ACYP1: variants seen among roughly 807,000 people sequenced by gnomAD.
The protein encoded by ACYP1 is acylphosphatase-1.
ACYP1 carries 8 observed loss-of-function variants against 10.4 expected under a neutral mutation model. That is an observed-to-expected ratio of 0.77 (90% CI 0.45 to 1.38). ACYP1 has a LOEUF of 1.38. Ranked by LOEUF, ACYP1 falls within the 40% of genes most tolerant of loss-of-function variation. The pLI, the probability that ACYP1 is intolerant of heterozygous loss-of-function variation, is 0.00. For missense variants in ACYP1, 93 were observed against 117.3 expected, an observed-to-expected ratio of 0.79 and a Z score of 0.96; for synonymous variants, 38 against 40.8, an observed-to-expected ratio of 0.93 and a Z score of 0.26.
intron 2 of ACYP1, chr14:75,062,974 A>G (rs1453126826): frequency 6.5e-6 from 1 of 154,202 alleles, no homozygotes; most frequent in East Asian, 1.9e-4. Context: ...GAAAAGGTAA[A>G]TGTTCTTTCA....
exon 1 of ACYP1, chr14:75,069,414 G>T: frequency 1.3e-6 from 1 of 778,278 alleles, no homozygotes. Flanking sequence ...AGGAGCTCCA[G>T]AAAAGCCTCT....
At chr14:75,066,721 G>A (rs1893148475), upstream of ACYP1, among the ~76,000 whole-genome samples, 1 of 152,134 alleles carries the variant, frequency 6.6e-6, no homozygotes, top group African/African-American at 2.4e-5. Context: ...GCGTGGTGGT[G>A]CACACCTGTA....
chr14:75,053,773 T>C (rs1230651726), intron 2 of ACYP1, 114 bp from the exon 3 acceptor site: 4 of 923,200 alleles, frequency 4.3e-6, no homozygotes, highest in Admixed American at 2.3e-5. Flanking sequence ...TAATTTGATA[T>C]TGCCCAGAAC....
chr14:75,063,947 G>C lies in ACYP1; in HGVS notation c.-9+7C>G. On this transcript the variant is annotated splice_region_variant and intron_variant, in intron 1 of 2. Coordinates refer to ENST00000238618, the MANE Select transcript of ACYP1 (RefSeq NM_001107.5). The stretch of plus-strand genomic sequence containing the variant: ...GAAGCACACCCTGGGGGCCCCTGGC[G>C]GCTCACCCTCCTTGTCTTCCCCACC... 1 of 1,001,076 alleles carries C rather than the reference G, an allele frequency of 1.0e-6. No individual in the cohort carries two copies. The highest frequency in any genetic ancestry group is 1.2e-6 in the Non-Finnish European group (1 of 838,556). 62.0% of individuals were successfully genotyped at this position (1,001,076 alleles called of 1,614,324 possible). A position where few individuals can be genotyped will look rare whatever the true frequency, so the allele number is the denominator to read the frequency against.
At chr14:75,067,861 G>T (rs571465310), upstream of ACYP1, among the ~76,000 whole-genome samples, 17 of 151,970 alleles carry the variant, frequency 1.1e-4, no homozygotes, top group South Asian at 2.9e-3. Flanking sequence ...AGCTGGGTGT[G>T]GGGGGCACAC....
chr14:75,060,006 C>T, intron 2 of ACYP1: 4 of 341,166 alleles, frequency 1.2e-5, no homozygotes, highest in Non-Finnish European at 2.1e-5. Flanking sequence ...TTCAGTTTTG[C>T]AAGATGAAAA....
rs201996298 is a variant in ACYP1 at position 75,063,493 on chromosome 14, C to T, written c.61G>A (p.Val21Met). 1 of 1,613,872 alleles carries T rather than the reference C, an allele frequency of 6.2e-7. No homozygotes were observed. The highest frequency in any genetic ancestry group is 8.5e-7 in the Non-Finnish European group (1 of 1,179,886). ...DYEIFGKVQGVFFRKHTQAEG... is the reference protein window; with the variant it reads ...DYEIFGKVQGMFFRKHTQAEG... ...ACCTGAGTATGCTTACGGAAAAACA[C>T]CCCTTGCACCTTCCCAAAAATTTCA... Residue 21 changes from valine (V) to methionine (M), a missense_variant, in exon 2 of 3, where the codon GTG becomes ATG. Val to Met is a conservative substitution (Grantham distance 21). Coordinates refer to ENST00000238618, the MANE Select transcript of ACYP1 (RefSeq NM_001107.5).
chr14:75,057,980 A>AAAAAC (rs1566618127), intron 2 of ACYP1, among the ~76,000 whole-genome samples: 1 of 147,358 alleles, frequency 6.8e-6, no homozygotes, highest in African/African-American at 2.5e-5. Flanking sequence ...AAAAAAAAAA[A>AAAAAC]AAAAAAAAGA....
upstream of ACYP1, among the ~76,000 whole-genome samples, chr14:75,068,245 T>C (rs1034018167): frequency 7.2e-5 from 11 of 151,764 alleles, no homozygotes; most frequent in African/African-American, 2.7e-4. Flanking sequence ...GAGCTAAGAG[T>C]GCGCCACTGC....
At chr14:75,069,245 A>G in exon 1 of ACYP1, 1 of 1,502,014 alleles carries the variant, frequency 6.7e-7, no homozygotes, top group Non-Finnish European at 8.8e-7. Context: ...CGCGCGGAGA[A>G]AGGCCAGCAG....
chr14:75,068,374 G>A (rs186392415), upstream of ACYP1, among the ~76,000 whole-genome samples: 7 of 152,182 alleles, frequency 4.6e-5, no homozygotes, highest in African/African-American at 1.4e-4. Context: ...AAATGCAGGG[G>A]TAAAGTGATG....
chr14:75,054,903 CAG>C (rs1397110336), intron 2 of ACYP1, among the ~76,000 whole-genome samples: 1 of 151,400 alleles, frequency 6.6e-6, no homozygotes. Flanking sequence ...ATCCAACTGA[CAG>C]GGCAGTATAA....
chr14:75,066,965 C>T (rs1893152223), upstream of ACYP1, among the ~76,000 whole-genome samples: 1 of 152,130 alleles, frequency 6.6e-6, no homozygotes, highest in African/African-American at 2.4e-5. Context: ...ACTGGAGAGG[C>T]AGATTTGAGA....
At chr14:75,069,300 G>A (rs1286411333) in exon 1 of ACYP1, 3 of 1,428,200 alleles carry the variant, frequency 2.1e-6, no homozygotes, top group African/African-American at 1.5e-5. Flanking sequence ...ATCCTGCGGC[G>A]GAAGCACGCG....
At chr14:75,061,623 C>G (rs910809144) in intron 2 of ACYP1, 2 of 1,288,126 alleles carry the variant, frequency 1.6e-6, no homozygotes, top group Admixed American at 4.1e-5. Flanking sequence ...CCTTTTCCCT[C>G]AACAACTTTG....
chr14:75,058,589 TC>T (rs1892941786), intron 2 of ACYP1, among the ~76,000 whole-genome samples: 1 of 151,268 alleles, frequency 6.6e-6, no homozygotes, highest in South Asian at 2.1e-4. Context: ...TCCCATTATG[TC>T]CCACTTTCAA....
chr14:75,058,498 G>A (rs960285466), intron 2 of ACYP1, among the ~76,000 whole-genome samples: 2 of 151,194 alleles, frequency 1.3e-5, no homozygotes, highest in African/African-American at 4.9e-5. Flanking sequence ...AACTAATAGA[G>A]TAAGACTTCA....
chr14:75,057,964 CAAAAAAAAAA>C (rs769312151), intron 2 of ACYP1, among the ~76,000 whole-genome samples: 1 of 38,804 alleles, frequency 2.6e-5, no homozygotes, highest in Non-Finnish European at 4.2e-5. Flanking sequence ...GACTCTGTCT[CAAAAAAAAAA>C]AAAAAAAAAA....
upstream of ACYP1, among the ~76,000 whole-genome samples, chr14:75,067,218 C>T (rs1331421454): frequency 6.9e-5 from 5 of 72,730 alleles, no homozygotes; most frequent in South Asian, 4.5e-4. Flanking sequence ...CACACACACA[C>T]ACACACACAT....
Sources: allele counts gnomAD v4.1 joint callset (sites outside exome capture counted in the v4.1 genomes callset), GRCh38; gene constraint gnomAD v4.1.1; transcripts MANE v1.5; gene names NCBI Gene and HGNC (gene_info 2026-07-23, HGNC 2026-07-21).